Variants in RAPGEF1 observed in about 807,000 individuals in gnomAD.
The protein encoded by RAPGEF1 is Rap guanine nucleotide exchange factor 1, also known as CRK SH3-binding GNRP.
In RAPGEF1, 33 loss-of-function variants were observed where a neutral mutation model predicts 143.3. That is an observed-to-expected ratio of 0.23 (90% CI 0.17 to 0.31). The LOEUF is 0.31. RAPGEF1 is among the 10% of genes least tolerant of loss of function. The pLI is 1.00. For synonymous variants in RAPGEF1, 629 were observed against 676.5 expected, an observed-to-expected ratio of 0.93 and a Z score of 1.09; for missense variants, 1,199 against 1,645.4, an observed-to-expected ratio of 0.73 and a Z score of 4.69.
intron 1 of RAPGEF1, among the ~76,000 whole-genome samples, chr9:131,694,664 T>C (rs1005403753): frequency 6.6e-6 from 1 of 151,982 alleles, no homozygotes; most frequent in Admixed American, 6.6e-5. Context: ...TTCTCAAGAC[T>C]GGACGCAGAT....
chr9:131,605,507 C>T (rs368372744), intron 12 of RAPGEF1, among the ~76,000 whole-genome samples: 1 of 152,218 alleles, frequency 6.6e-6, no homozygotes, highest in East Asian at 1.9e-4. Context: ...TGGCCCATCG[C>T]TGTCTTGTCT....
At chr9:131,585,386 G>A (rs1952551388) in intron 22 of RAPGEF1, among the ~76,000 whole-genome samples, 1 of 151,922 alleles carries the variant, frequency 6.6e-6, no homozygotes, top group African/African-American at 2.4e-5. Context: ...TCTCTATGTT[G>A]TCCAGGCTGG....
At position 131,628,013 on chromosome 9, in the gene RAPGEF1, G is replaced by A. The variant is rs1963758934; in HGVS notation, c.1101C>T (p.Pro367=). ...TGCTGAGCTTGCCTATGCTGCTGCA[G>A]GGGGAGAGGCGGGGCGACTCTCCAC... The part of the protein sequence containing the change: ...SYGGESPRLS[P]CSSIGKLSKS... The change falls in exon 9 of 27, where the codon CCC becomes CCT. Residue 367 remains proline, a synonymous_variant. Coordinates refer to ENST00000683357, the MANE Select transcript of RAPGEF1 (RefSeq NM_001377935.1). The surrounding 1 kb of genome is among the most constrained non-coding windows in gnomAD (Gnocchi z 5.7). The A allele has an allele frequency of 1.9e-6, 3 of 1,595,392 alleles. No homozygotes were observed. The South Asian group carries it at 3.4e-5, about 18-fold the overall frequency.
intron 17 of RAPGEF1, among the ~76,000 whole-genome samples, chr9:131,592,424 G>C (rs563001337): frequency 6.6e-6 from 1 of 152,324 alleles, no homozygotes; most frequent in Admixed American, 6.5e-5. Flanking sequence ...AGGGGAAACA[G>C]GAAAGGGTTT....
chr9:131,652,254 T>A (rs1971254737), intron 1 of RAPGEF1, among the ~76,000 whole-genome samples: 1 of 152,206 alleles, frequency 6.6e-6, no homozygotes, highest in African/African-American at 2.4e-5. Flanking sequence ...AACATTTTTA[T>A]TCTTTTGTTT....
At chr9:131,739,712 C>A in intron 1 of RAPGEF1, 58 bp downstream of exon 1, 3 of 1,029,042 alleles carry the variant, frequency 2.9e-6, no homozygotes, top group Non-Finnish European at 3.5e-6. Flanking sequence ...GCCCGGGGAG[C>A]GGCGGAGCCC....
intron 1 of RAPGEF1, among the ~76,000 whole-genome samples, chr9:131,735,943 A>G (rs950828041): frequency 1.3e-5 from 2 of 152,164 alleles, no homozygotes; most frequent in Non-Finnish European, 2.9e-5. Flanking sequence ...CCAACCCAAC[A>G]TATCTGTGGA....
intron 1 of RAPGEF1, among the ~76,000 whole-genome samples, chr9:131,717,342 G>A (rs964424573): frequency 6.6e-6 from 1 of 152,166 alleles, no homozygotes; most frequent in Non-Finnish European, 1.5e-5. Flanking sequence ...AAGAGGTGTG[G>A]AGTCCATACA....
intron 3 of RAPGEF1, among the ~76,000 whole-genome samples, chr9:131,645,248 C>T (rs1392159025): frequency 1.3e-5 from 2 of 152,150 alleles, no homozygotes; most frequent in Non-Finnish European, 2.9e-5. Context: ...CATGGTCAAC[C>T]AGGCAAGAAG....
At chr9:131,669,373 G>C (rs1396936305) in intron 1 of RAPGEF1, among the ~76,000 whole-genome samples, 1 of 152,216 alleles carries the variant, frequency 6.6e-6, no homozygotes, top group South Asian at 2.1e-4. Context: ...TGAAGGGACA[G>C]GAGTCACCTC....
intron 10 of RAPGEF1, among the ~76,000 whole-genome samples, chr9:131,624,050 CA>C (rs1375730302): frequency 6.6e-6 from 1 of 152,116 alleles, no homozygotes; most frequent in East Asian, 1.9e-4. Context: ...GCACAGGGGT[CA>C]ATACTGTAAA....
At position 131,649,200 on chromosome 9, in the gene RAPGEF1, A is replaced by ATTTT. The variant is rs55813422; in HGVS notation, c.315+925_315+928dup. ...GGCGCCTGCCACTATGCCTGGCTAA[A>ATTTT]TTTTTTTTTTTTTTTTTTTTTTTTT... On this transcript the variant is annotated intron_variant, in intron 3 of 26. Coordinates refer to ENST00000683357, the MANE Select transcript of RAPGEF1 (RefSeq NM_001377935.1). 1.7e-3 allele frequency among the ~76,000 whole-genome samples: 144 copies of ATTTT among 87,240 alleles called. 2 individuals carry two copies. Among genetic ancestry groups the ATTTT allele is most frequent in the African/African-American group, 5.9e-3 (130 of 21,898 alleles). The allele number at this position is 87,240 out of a possible 152,430, so 57.2% of individuals were successfully genotyped here. A position where few individuals can be genotyped will look rare whatever the true frequency, so the allele number is the denominator to read the frequency against.
intron 1 of RAPGEF1, among the ~76,000 whole-genome samples, chr9:131,671,823 C>T (rs1831448280): frequency 6.6e-6 from 1 of 152,202 alleles, no homozygotes; most frequent in Non-Finnish European, 1.5e-5. Flanking sequence ...TTGTGGATTA[C>T]TCCCAATGTT....
chr9:131,653,934 T>C (rs1224264539), intron 1 of RAPGEF1, among the ~76,000 whole-genome samples: 1 of 152,270 alleles, frequency 6.6e-6, no homozygotes, highest in African/African-American at 2.4e-5. Flanking sequence ...TACAATGGAA[T>C]ATTATTTGGC....
chr9:131,586,066 C>G (rs923289080), intron 22 of RAPGEF1, among the ~76,000 whole-genome samples: 1 of 152,018 alleles, frequency 6.6e-6, no homozygotes, highest in Non-Finnish European at 1.5e-5. Context: ...GTAGTCCCAG[C>G]TACTCTGGAG....
At chr9:131,735,265 C>A (rs1837342318) in intron 1 of RAPGEF1, among the ~76,000 whole-genome samples, 1 of 152,164 alleles carries the variant, frequency 6.6e-6, no homozygotes, top group Non-Finnish European at 1.5e-5. Context: ...ACCTTCTTCC[C>A]TTCAGCTGAG....
chr9:131,704,242 C>T (rs372361457), intron 1 of RAPGEF1, among the ~76,000 whole-genome samples: 6 of 150,418 alleles, frequency 4.0e-5, no homozygotes, highest in African/African-American at 9.8e-5. Context: ...AGCTGGCACA[C>T]GGGCATCCAG....
At chr9:131,683,236 G>A (rs1413961554) in intron 1 of RAPGEF1, among the ~76,000 whole-genome samples, 3 of 152,266 alleles carry the variant, frequency 2.0e-5, no homozygotes, top group South Asian at 2.1e-4. Flanking sequence ...TTAAGCCTCC[G>A]GAACCTATAT....
Position 131,689,098 on chromosome 9 carries a change from C to T in RAPGEF1, c.62-38149G>A, listed in dbSNP as rs956595076. ...AGATTTAGGGTTGTCTGGCTAACAA[C>T]TGCTTAGGGTGATGGAACAGAAAAT... On this transcript the variant is annotated intron_variant, in intron 1 of 26. Transcript: ENST00000683357. Among the ~76,000 whole-genome samples the T allele has an allele frequency of 2.6e-5, 4 of 152,138 alleles. No homozygotes were observed. The East Asian group carries it at 7.7e-4, about 29-fold the overall frequency.
Sources: gnomAD v4.1 joint callset for allele counts (sites outside exome capture counted in the v4.1 genomes callset) on GRCh38, gnomAD v4.1.1 for gene constraint, Gnocchi (gnomAD v3.1) non-coding constraint, MANE v1.5 for transcripts, NCBI Gene and HGNC (gene_info 2026-07-23, HGNC 2026-07-21) for gene names.